Variants in EXT1 observed in about 807,000 individuals in gnomAD.
The protein encoded by EXT1 is exostosin glycosyltransferase 1.
EXT1 carries 20 observed loss-of-function variants against 82.5 expected under a neutral mutation model. The observed-to-expected ratio is 0.24, with a 90% CI of 0.17 to 0.35. The LOEUF is 0.35. Among genes scored for constraint, EXT1 ranks in the 10% least tolerant of loss-of-function variants. The pLI is 1.00. For synonymous variants in EXT1, 348 were observed against 350.8 expected, an observed-to-expected ratio of 0.99 and a Z score of 0.09; for missense variants, 757 against 936.5, an observed-to-expected ratio of 0.81 and a Z score of 2.50.
In EXT1 at chr8:117,964,788, C is replaced by T. The variant is rs376350850; in HGVS notation, c.963-127587G>A. On this transcript the variant is annotated intron_variant, in intron 1 of 10. Coordinates refer to ENST00000378204, the MANE Select transcript of EXT1 (RefSeq NM_000127.3). ...GAGTAGCTAGGATTACAGGCGTGTG[C>T]CACCATGCCTGGCTAATTTTTGTAT... 9.9e-5 allele frequency among the ~76,000 whole-genome samples: 15 copies of T among 152,196 alleles called. No homozygotes were observed. In the East Asian group the frequency reaches 2.9e-3, roughly 29 times the overall value.
intron 1 of EXT1, among the ~76,000 whole-genome samples, chr8:117,977,359 C>A (rs907765249): frequency 1.4e-5 from 2 of 144,442 alleles, no homozygotes; most frequent in Admixed American, 1.5e-4. Context: ...TGCATACCAG[C>A]CTGGGCAATA....
chr8:117,845,913 G>A (rs1812351393), intron 1 of EXT1, among the ~76,000 whole-genome samples: 1 of 152,174 alleles, frequency 6.6e-6, no homozygotes, highest in African/African-American at 2.4e-5. Flanking sequence ...GAAGTAAAGT[G>A]TCACAGGTTT....
intron 1 of EXT1, among the ~76,000 whole-genome samples, chr8:117,852,158 G>A (rs6994027): frequency 0.019 from 2,830 of 152,246 alleles, 76 homozygotes; most frequent in African/African-American, 0.063. Flanking sequence ...TAATAAGCAG[G>A]TGGGTATAAT....
intron 4 of EXT1, among the ~76,000 whole-genome samples, chr8:117,824,166 T>G (rs1256266003): frequency 2.6e-5 from 4 of 152,178 alleles, no homozygotes; most frequent in Non-Finnish European, 5.9e-5. Context: ...TAAATAAGTT[T>G]GGATATCAAG....
intron 1 of EXT1, among the ~76,000 whole-genome samples, chr8:118,041,665 A>AAAAGGAAGGAAG (rs1808255896): frequency 8.0e-6 from 1 of 125,128 alleles, no homozygotes; most frequent in South Asian, 3.2e-4. Flanking sequence ...AGAGAGAGAA[A>AAAAGGAAGGAAG]GAAGGAAGGA....
Position 118,007,129 on chromosome 8 carries a change from C to T in EXT1, c.962+102956G>A, listed in dbSNP as rs531618477. Among the ~76,000 whole-genome samples the T allele has an allele frequency of 1.1e-4, 16 of 152,192 alleles. No homozygotes were observed. In the South Asian group the frequency reaches 3.1e-3, roughly 30 times the overall value. On this transcript the variant is annotated intron_variant, in intron 1 of 10. Coordinates refer to ENST00000378204, the MANE Select transcript of EXT1 (RefSeq NM_000127.3). ...TGGCTAACACGGTGAAACCCCGTTT[C>T]TACTAAAAATACAAAAAATTAGCTG... is the stretch of plus-strand genomic sequence containing the variant.
chr8:117,930,784 C>G (rs550539745), intron 1 of EXT1, among the ~76,000 whole-genome samples: 3 of 151,986 alleles, frequency 2.0e-5, no homozygotes, highest in African/African-American at 4.8e-5. Flanking sequence ...AGTCATAGGG[C>G]GAGATAGGAG....
rs77174773 is a variant in EXT1 at position 118,075,266 on chromosome 8, A to T, written c.962+34819T>A. Among the ~76,000 whole-genome samples, 1,105 of 152,270 alleles carry T rather than the reference A, an allele frequency of 7.3e-3. 11 individuals are homozygous for T. The highest frequency in any genetic ancestry group is 0.025 in the African/African-American group (1,041 of 41,548). ...CTGACAAGGGACAGTATCTGGGAAG[A>T]TCAAGTCTAGACTCACCCCAGGCCA... On this transcript the variant is annotated intron_variant, in intron 1 of 10. Transcript: ENST00000378204.
Position 118,051,232 on chromosome 8 carries a change from G to A in EXT1, c.962+58853C>T, listed in dbSNP as rs565632136. 2.0e-5 allele frequency among the ~76,000 whole-genome samples: 3 copies of A among 152,198 alleles called. No homozygotes were observed. The South Asian group carries it at 6.2e-4, about 32-fold the overall frequency. ...TGCCCCTGTAGTCCCAGCTAATCAG[G>A]AGGCTGAGAGGCGGGTGGATCACTG... On this transcript the variant is annotated intron_variant, in intron 1 of 10. Transcript: ENST00000378204.
chr8:117,830,829 A>G (rs1408927722), intron 3 of EXT1, among the ~76,000 whole-genome samples: 3 of 152,196 alleles, frequency 2.0e-5, no homozygotes, highest in Non-Finnish European at 4.4e-5. Flanking sequence ...TCCAATCTGA[A>G]GCTAGGGTCA....
chr8:118,065,016 C>A (rs1324790694), intron 1 of EXT1, among the ~76,000 whole-genome samples: 1 of 152,008 alleles, frequency 6.6e-6, no homozygotes, highest in Non-Finnish European at 1.5e-5. Context: ...CCACACCCAG[C>A]TAATTTTTGT....
chr8:117,991,715 C>A (rs942441327), intron 1 of EXT1, among the ~76,000 whole-genome samples: 1 of 152,130 alleles, frequency 6.6e-6, no homozygotes, highest in Admixed American at 6.5e-5. Context: ...GCACATACCA[C>A]CACACCCAAC....
chr8:117,815,518 G>C (rs1350608818), intron 7 of EXT1, among the ~76,000 whole-genome samples: 2 of 152,166 alleles, frequency 1.3e-5, no homozygotes. Flanking sequence ...CTTCTTAAAT[G>C]GATTAGCATG....
chr8:118,099,717 TAA>T (rs1306259420), intron 1 of EXT1, among the ~76,000 whole-genome samples: 1 of 152,238 alleles, frequency 6.6e-6, no homozygotes, highest in Non-Finnish European at 1.5e-5. Context: ...TAGGTGGACA[TAA>T]AGATTAAAGA....
chr8:117,837,183 C>T lies in EXT1; in HGVS notation c.981G>A (p.Met327Ile). 2 of 1,613,878 alleles carry T rather than the reference C, an allele frequency of 1.2e-6. No homozygotes were observed. The highest frequency in any genetic ancestry group is 1.7e-6 in the Non-Finnish European group (2 of 1,179,836). Residue 327 changes from methionine to isoleucine, a missense_variant, in exon 2 of 11, where the codon ATG becomes ATA. Met to Ile is a conservative substitution (Grantham distance 10). Coordinates refer to ENST00000378204, the MANE Select transcript of EXT1 (RefSeq NM_000127.3). ...TEYEKYDYRE[M>I]LHNATFCLVP... is the part of the protein sequence containing the mutation. ...CCAGACAGAAAGTGGCATTGTGCAG[C>T]ATTTCCCGATAATCATACCTAGAAA...
At chr8:118,049,996 T>C (rs1816691143) in intron 1 of EXT1, among the ~76,000 whole-genome samples, 1 of 152,206 alleles carries the variant, frequency 6.6e-6, no homozygotes, top group Non-Finnish European at 1.5e-5. Context: ...GATGATTGCC[T>C]GGTGTGTCCT....
At chr8:118,086,034 A>AT (rs1183945109) in intron 1 of EXT1, among the ~76,000 whole-genome samples, 1 of 152,166 alleles carries the variant, frequency 6.6e-6, no homozygotes, top group Admixed American at 6.5e-5. Flanking sequence ...GCGAGGCCTC[A>AT]TTTTTTTAGT....
chr8:117,800,586 C>T (rs191460013), intron 10 of EXT1, among the ~76,000 whole-genome samples: 3 of 152,304 alleles, frequency 2.0e-5, no homozygotes, highest in African/African-American at 7.2e-5. Context: ...GAGCATGTTG[C>T]TGTATGACTA....
chr8:117,893,287 G>A (rs1813279932), intron 1 of EXT1, among the ~76,000 whole-genome samples: 1 of 152,096 alleles, frequency 6.6e-6, no homozygotes, highest in Non-Finnish European at 1.5e-5. Flanking sequence ...GTACAATCAA[G>A]TAAAAGAAAA....
Sources: gnomAD v4.1 joint callset for allele counts (sites outside exome capture counted in the v4.1 genomes callset) on GRCh38, gnomAD v4.1.1 for gene constraint, MANE v1.5 for transcripts, NCBI Gene and HGNC (gene_info 2026-07-23, HGNC 2026-07-21) for gene names.